Variants in CDH4 observed in about 807,000 individuals in gnomAD.
The protein encoded by CDH4 is cadherin-4.
Under a neutral mutation model 86.0 loss-of-function variants are expected in CDH4, and 33 were observed. That is an observed-to-expected ratio of 0.38 (90% CI 0.29 to 0.51). CDH4 has a LOEUF of 0.51. Among genes scored for constraint, CDH4 ranks in the 20% least tolerant of loss-of-function variants. The pLI, the probability that CDH4 is intolerant of heterozygous loss-of-function variation, is 0.86. For missense variants in CDH4, 1,114 were observed against 1,307.4 expected (o/e 0.85, Z 2.28); for synonymous variants, 555 against 549.4 (o/e 1.01, Z -0.14).
At chr20:61,875,880 G>A (rs1037556716) in intron 7 of CDH4, among the ~76,000 whole-genome samples, 2 of 152,186 alleles carry the variant, frequency 1.3e-5, no homozygotes, top group African/African-American at 4.8e-5. Context: ...CTCCTCTGTA[G>A]CCTGGGGTCC....
At chr20:61,794,366 T>C (rs909842203) in intron 4 of CDH4, among the ~76,000 whole-genome samples, 3 of 152,114 alleles carry the variant, frequency 2.0e-5, no homozygotes, top group African/African-American at 7.2e-5. Context: ...GACATTCCAC[T>C]AAGCCAGCCC....
rs369183652 is a variant in CDH4 at position 61,709,019 on chromosome 20, A to T, written c.170-34544A>T. ...CCTTCCCCGAAGGACCTCAGGCTAC[A>T]CGGGCAGTGGGGCTGCGGCCCAGCT... On this transcript the variant is annotated intron_variant, in intron 2 of 15. Coordinates refer to ENST00000614565, the MANE Select transcript of CDH4 (RefSeq NM_001794.5). This position sits in a 1 kb window ranked among gnomAD's most constrained non-coding sequence, Gnocchi z 4.8. 1.2e-4 allele frequency among the ~76,000 whole-genome samples: 18 copies of T among 152,348 alleles called. No homozygotes were observed. The highest frequency in any genetic ancestry group is 3.4e-3 in the Middle Eastern group (1 of 294).
At chr20:61,339,459 A>ATG (rs748290513) in intron 2 of CDH4, among the ~76,000 whole-genome samples, 16 of 115,698 alleles carry the variant, frequency 1.4e-4, no homozygotes, top group Non-Finnish European at 2.8e-4. Context: ...ATGTGCGTGC[A>ATG]TGTGTGTGTG....
intron 2 of CDH4, among the ~76,000 whole-genome samples, chr20:61,327,782 C>A (rs905138553): frequency 6.6e-6 from 1 of 152,046 alleles, no homozygotes; most frequent in Non-Finnish European, 1.5e-5. Context: ...GTCTTCACTG[C>A]AGGGCTATTT....
chr20:61,791,605 A>T (rs1040758849), intron 4 of CDH4, among the ~76,000 whole-genome samples: 1 of 152,186 alleles, frequency 6.6e-6, no homozygotes, highest in Admixed American at 6.5e-5. Context: ...GCAAGAACAG[A>T]TGGGAGGAGA....
intron 7 of CDH4, among the ~76,000 whole-genome samples, chr20:61,884,371 T>C (rs1405562185): frequency 6.6e-6 from 1 of 152,208 alleles, no homozygotes; most frequent in Non-Finnish European, 1.5e-5. Flanking sequence ...GCCGGGTCCC[T>C]GGTTTTCAGC....
At chr20:61,488,809 G>C (rs2085610346) in intron 2 of CDH4, among the ~76,000 whole-genome samples, 1 of 152,152 alleles carries the variant, frequency 6.6e-6, no homozygotes, top group African/African-American at 2.4e-5. Flanking sequence ...GAATTTGTGG[G>C]TGCACCTAAA....
At chr20:61,473,803 G>A (rs1416248000) in intron 2 of CDH4, among the ~76,000 whole-genome samples, 2 of 151,556 alleles carry the variant, frequency 1.3e-5, no homozygotes, top group African/African-American at 2.4e-5. Flanking sequence ...ACTCACAGAC[G>A]CACACAGACA....
chr20:61,404,314 A>G (rs2085067556), intron 2 of CDH4, among the ~76,000 whole-genome samples: 1 of 152,108 alleles, frequency 6.6e-6, no homozygotes, highest in Non-Finnish European at 1.5e-5. Flanking sequence ...ACAGCTGCTG[A>G]AATCTTAAAC....
At chr20:61,635,491 G>A (rs1175653192) in intron 2 of CDH4, among the ~76,000 whole-genome samples, 2 of 152,206 alleles carry the variant, frequency 1.3e-5, no homozygotes, top group African/African-American at 4.8e-5. Flanking sequence ...GCGTTTTGAA[G>A]GCAGACCTTC....
chr20:61,930,777 T>C (rs753770939), intron 13 of CDH4, among the ~76,000 whole-genome samples: 1 of 152,240 alleles, frequency 6.6e-6, no homozygotes, highest in Non-Finnish European at 1.5e-5. Context: ...TGGGCTTCTT[T>C]GTATGATCAG....
intron 4 of CDH4, among the ~76,000 whole-genome samples, chr20:61,826,961 A>G (rs926570216): frequency 2.5e-4 from 2 of 8,148 alleles, no homozygotes; most frequent in African/African-American, 3.7e-4. Context: ...AAGAAGGGAA[A>G]AGTGTGTGTG....
intron 2 of CDH4, among the ~76,000 whole-genome samples, chr20:61,429,241 G>A (rs1001688751): frequency 2.0e-5 from 3 of 152,086 alleles, no homozygotes; most frequent in African/African-American, 7.2e-5. Flanking sequence ...CCATCTCACA[G>A]ATCAGACACA....
At chr20:61,678,378 T>C (rs2087470650) in intron 2 of CDH4, among the ~76,000 whole-genome samples, 3 of 152,150 alleles carry the variant, frequency 2.0e-5, no homozygotes, top group Non-Finnish European at 4.4e-5. Flanking sequence ...AGAAGTAGCT[T>C]CATAATTTTC....
intron 2 of CDH4, among the ~76,000 whole-genome samples, chr20:61,491,705 G>A (rs1316269501): frequency 6.6e-6 from 1 of 152,116 alleles, no homozygotes; most frequent in Non-Finnish European, 1.5e-5. Context: ...GTTGATGCTG[G>A]TGGTATTGAT....
intron 2 of CDH4, among the ~76,000 whole-genome samples, chr20:61,315,999 G>T (rs1012484365): frequency 1.3e-5 from 2 of 152,138 alleles, no homozygotes; most frequent in Admixed American, 1.3e-4. Flanking sequence ...ATTTCCACAG[G>T]GCCCTGGAAG....
chr20:61,358,013 T>C (rs372703478), intron 2 of CDH4, among the ~76,000 whole-genome samples: 5 of 152,354 alleles, frequency 3.3e-5, no homozygotes, highest in African/African-American at 9.6e-5. Flanking sequence ...TCAAGATTTA[T>C]GACAATTGCA....
chr20:61,685,802 C>T (rs1231189833), intron 2 of CDH4, among the ~76,000 whole-genome samples: 1 of 152,246 alleles, frequency 6.6e-6, no homozygotes, highest in Non-Finnish European at 1.5e-5. Context: ...CACCCTCAGC[C>T]CCCTGCAGAA....
At chr20:61,601,564 G>A (rs2086601022) in intron 2 of CDH4, among the ~76,000 whole-genome samples, 1 of 152,164 alleles carries the variant, frequency 6.6e-6, no homozygotes. Flanking sequence ...CTGTTCAGAT[G>A]CCCGCCCGCT....
Sources: allele counts gnomAD v4.1 joint callset (sites outside exome capture counted in the v4.1 genomes callset), GRCh38; gene constraint gnomAD v4.1.1; non-coding constraint Gnocchi (gnomAD v3.1); transcripts MANE v1.5; gene names NCBI Gene and HGNC (gene_info 2026-07-23, HGNC 2026-07-21).